EVA1A: variants seen among roughly 807,000 people sequenced by gnomAD.
EVA1A encodes the protein eva-1 homolog A, regulator of programmed cell death, also known as protein eva-1 homolog A.
Under a neutral mutation model 9.8 loss-of-function variants are expected in EVA1A, and 7 were observed. That is an observed-to-expected ratio of 0.71 (90% CI 0.41 to 1.34). The LOEUF (loss-of-function observed/expected upper bound fraction) is 1.34, where lower values mean the gene tolerates loss of function less well. Ranked by LOEUF, EVA1A falls within the 40% of genes most tolerant of loss-of-function variation. EVA1A has a pLI of 0.01. For missense variants in EVA1A, 206 were observed against 205.9 expected, an observed-to-expected ratio of 1.00 and a Z score of 0.00; for synonymous variants, 90 against 85.6, an observed-to-expected ratio of 1.05 and a Z score of -0.28.
intron 2 of EVA1A, chr2:75,518,739 C>T (rs1216473231): frequency 5.1e-6 from 5 of 986,640 alleles, no homozygotes; most frequent in Non-Finnish European, 4.8e-6. Flanking sequence ...GTTTTAACTA[C>T]AAGCCACAGC....
chr2:75,560,187 G>C (rs767130225), intron 1 of EVA1A, among the ~76,000 whole-genome samples: 9 of 152,122 alleles, frequency 5.9e-5, no homozygotes, highest in Non-Finnish European at 1.3e-4. Flanking sequence ...CTCGGCTTTC[G>C]GGGTCCTGGG....
chr2:75,498,922 T>C (rs547428997), intron 3 of EVA1A, among the ~76,000 whole-genome samples: 1 of 152,316 alleles, frequency 6.6e-6, no homozygotes, highest in Admixed American at 6.5e-5. Flanking sequence ...GATTTATATT[T>C]TCCCAGAGGA....
intron 3 of EVA1A, among the ~76,000 whole-genome samples, chr2:75,513,874 G>C (rs1170344953): frequency 6.6e-6 from 1 of 152,184 alleles, no homozygotes; most frequent in Non-Finnish European, 1.5e-5. Flanking sequence ...ATGTGGGTAA[G>C]ATAACGTCTA....
At chr2:75,552,986 C>T (rs956105701) in intron 1 of EVA1A, among the ~76,000 whole-genome samples, 1 of 152,224 alleles carries the variant, frequency 6.6e-6, no homozygotes, top group Non-Finnish European at 1.5e-5. Context: ...AGTAGCTCCC[C>T]ACTATCTTCA....
At chr2:75,535,936 A>G (rs1675874829) in intron 1 of EVA1A, among the ~76,000 whole-genome samples, 1 of 152,198 alleles carries the variant, frequency 6.6e-6, no homozygotes, top group Admixed American at 6.5e-5. Flanking sequence ...TTGAAATAAA[A>G]TGTTTTTAAA....
intron 1 of EVA1A, among the ~76,000 whole-genome samples, chr2:75,532,574 G>C (rs931340761): frequency 6.6e-6 from 1 of 152,118 alleles, no homozygotes; most frequent in East Asian, 1.9e-4. Context: ...TTACTTAGTT[G>C]AACTACAGAG....
intron 3 of EVA1A, among the ~76,000 whole-genome samples, chr2:75,516,121 C>T (rs1273934579): frequency 5.3e-5 from 8 of 152,212 alleles, no homozygotes; most frequent in Non-Finnish European, 2.9e-5. Flanking sequence ...GGACATGAGA[C>T]AGCTACAAGA....
At chr2:75,566,614 G>T (rs11884546) in intron 1 of EVA1A, among the ~76,000 whole-genome samples, 38,336 of 152,096 alleles carry the variant, frequency 0.25, 5,320 homozygotes, top group Admixed American at 0.35. Flanking sequence ...TGGAGTGGGG[G>T]TTTATCTTGT....
chr2:75,551,593 G>A (rs1676527316), intron 1 of EVA1A, among the ~76,000 whole-genome samples: 1 of 152,156 alleles, frequency 6.6e-6, no homozygotes, highest in Non-Finnish European at 1.5e-5. Context: ...GAAGCAATCT[G>A]GCACATGCCT....
intron 3 of EVA1A, among the ~76,000 whole-genome samples, chr2:75,515,873 C>A (rs1414851488): frequency 2.0e-5 from 3 of 152,168 alleles, no homozygotes; most frequent in African/African-American, 7.2e-5. Flanking sequence ...TTAGACACCC[C>A]CCTAACAAAG....
intron 1 of EVA1A, among the ~76,000 whole-genome samples, chr2:75,551,059 G>A (rs1050724825): frequency 2.0e-5 from 3 of 152,110 alleles, no homozygotes; most frequent in Non-Finnish European, 4.4e-5. Flanking sequence ...GGAGGCAGAG[G>A]TTGCAGTGAG....
At chr2:75,559,072 G>A (rs988994613) in intron 1 of EVA1A, among the ~76,000 whole-genome samples, 1 of 152,170 alleles carries the variant, frequency 6.6e-6, no homozygotes, top group African/African-American at 2.4e-5. Flanking sequence ...TGGAAATAAT[G>A]GCACTCTTCA....
chr2:75,569,379 C>T lies in EVA1A; in HGVS notation c.-192+97G>A, dbSNP rs1414794654. On this transcript the variant is annotated intron_variant, in intron 1 of 3. Coordinates refer to the EVA1A transcript ENST00000233712. ...ATGGCTGCCTCCTGCTAATGCTCCTCATCTCCCTGCAGTACTTGCTGCTGT... is the reference window on the plus strand; with the variant it reads ...ATGGCTGCCTCCTGCTAATGCTCCTTATCTCCCTGCAGTACTTGCTGCTGT... The T allele has an allele frequency of 2.6e-5, 4 of 152,644 alleles. No individual in the cohort carries two copies. The East Asian group carries it at 7.7e-4, about 29-fold the overall frequency. The allele number at this position is 152,644 out of a possible 1,614,324, so 9.5% of individuals were successfully genotyped here. A position where few individuals can be genotyped will look rare whatever the true frequency, so the allele number is the denominator to read the frequency against.
chr2:75,500,222 A>C lies in EVA1A; in HGVS notation c.86-6613T>G, dbSNP rs79856080. Among the ~76,000 whole-genome samples, 284 of 152,356 alleles carry C rather than the reference A, an allele frequency of 1.9e-3. 6 individuals are homozygous for C. Among genetic ancestry groups the C allele is most frequent in the African/African-American group, 6.6e-3 (275 of 41,586 alleles). On this transcript the variant is annotated intron_variant, in intron 3 of 3. Transcript: ENST00000393913. ...ACTGGTAACACATTCTTTTCCAAGT[A>C]AGTTTCCAATTCTTGGTTTTCAACA...
intron 1 of EVA1A, among the ~76,000 whole-genome samples, chr2:75,549,385 G>A (rs1279623008): frequency 1.3e-5 from 2 of 152,128 alleles, no homozygotes; most frequent in Admixed American, 6.5e-5. Flanking sequence ...ACCACTCTTT[G>A]TCTACTGAGG....
At chr2:75,521,705 T>C (rs888288542) in intron 2 of EVA1A, among the ~76,000 whole-genome samples, 3 of 152,138 alleles carry the variant, frequency 2.0e-5, no homozygotes, top group Admixed American at 6.5e-5. Context: ...GGGTACAAAG[T>C]TTCTGTTTTG....
chr2:75,544,363 T>TGCTGTACCATGGTAAGTA (rs796734408), intron 1 of EVA1A, among the ~76,000 whole-genome samples: 5 of 152,344 alleles, frequency 3.3e-5, no homozygotes, highest in African/African-American at 1.2e-4. Flanking sequence ...CCACATAACA[T>TGCTGTACCATGGTAAGTA]GCTGTACCAT....
chr2:75,502,068 C>T (rs1455147837), intron 3 of EVA1A, among the ~76,000 whole-genome samples: 3 of 152,210 alleles, frequency 2.0e-5, no homozygotes, highest in African/African-American at 7.2e-5. Flanking sequence ...TGCTTTATTG[C>T]CCAACTCATG....
chr2:75,523,218 C>T (rs934983278), intron 1 of EVA1A, among the ~76,000 whole-genome samples: 8 of 152,196 alleles, frequency 5.3e-5, no homozygotes, highest in African/African-American at 1.9e-4. Flanking sequence ...ATTTCTTCCC[C>T]AAAATGGATT....
Sources: gnomAD v4.1 joint callset for allele counts (sites outside exome capture counted in the v4.1 genomes callset) on GRCh38, gnomAD v4.1.1 for gene constraint, MANE v1.5 for transcripts, NCBI Gene and HGNC (gene_info 2026-07-23, HGNC 2026-07-21) for gene names.